RPA3: variants seen among roughly 807,000 people sequenced by gnomAD.
The protein encoded by RPA3 is replication protein A3, also known as replication protein A 14 kDa subunit.
Under a neutral mutation model 13.7 loss-of-function variants are expected in RPA3, and 24 were observed. The observed-to-expected ratio is 1.75, with a 90% confidence interval of 1.27 to 2.46. RPA3 has a LOEUF of 2.46. RPA3 is among the 30% of genes most tolerant of loss of function. The pLI is 0.00. For synonymous variants in RPA3, 59 were observed against 51.2 expected, an observed-to-expected ratio of 1.15 and a Z score of -0.65; for missense variants, 183 against 151.0, an observed-to-expected ratio of 1.21 and a Z score of -1.11.
At chr7:7,680,199 AT>A (rs1454057079) in intron 4 of RPA3, among the ~76,000 whole-genome samples, 1 of 151,980 alleles carries the variant, frequency 6.6e-6, no homozygotes, top group East Asian at 1.9e-4. Context: ...TATTTTATCC[AT>A]TTTGATTTGA....
At position 7,647,853 on chromosome 7, in the gene RPA3, C is replaced by T. The variant is rs74554928; in HGVS notation, c.-757-6678G>A. Among the ~76,000 whole-genome samples the T allele has an allele frequency of 3.9e-5, 6 of 152,320 alleles. No individual in the cohort carries two copies. In the East Asian group the frequency reaches 7.7e-4, roughly 20 times the overall value. On this transcript the variant is annotated intron_variant, in intron 4 of 7. Coordinates refer to ENST00000223129, the MANE Select transcript of RPA3 (RefSeq NM_002947.5). The stretch of plus-strand genomic sequence containing the variant: ...CTGCTAGGCTCAAGCAAGCCTCCCT[C>T]CTTGGCCTCTCAGAGTGCTAGGATT...
chr7:7,702,116 T>C (rs1440138438), intron 2 of RPA3, among the ~76,000 whole-genome samples: 1 of 152,222 alleles, frequency 6.6e-6, no homozygotes, highest in African/African-American at 2.4e-5. Context: ...GATTACTATG[T>C]AGATGTTTTC....
intron 4 of RPA3, among the ~76,000 whole-genome samples, chr7:7,678,549 A>G (rs1198267829): frequency 1.4e-5 from 2 of 138,412 alleles, no homozygotes; most frequent in Non-Finnish European, 3.1e-5. Flanking sequence ...TTATAGATAA[A>G]TATATATTTA....
intron 4 of RPA3, among the ~76,000 whole-genome samples, chr7:7,642,469 ATT>A (rs10595305): frequency 0.51 from 76,206 of 149,968 alleles, 20,396 homozygotes; most frequent in African/African-American, 0.68. Context: ...TGTAATAGTG[ATT>A]TTTTTTTTTT....
intron 2 of RPA3, among the ~76,000 whole-genome samples, chr7:7,704,662 GAAAGC>G (rs1044039839): frequency 4.3e-5 from 6 of 140,066 alleles, no homozygotes; most frequent in Admixed American, 1.5e-4. Flanking sequence ...CAGCCATTCA[GAAAGC>G]TGAGGGTGAG....
rs191706194 is a variant in RPA3, at chr7:7,670,555, A to G, written c.-758+15275T>C. Among the ~76,000 whole-genome samples the G allele has an allele frequency of 6.5e-4, 99 of 152,268 alleles. 2 individuals are homozygous for G. The highest frequency in any genetic ancestry group is 9.8e-4 in the Admixed American group (15 of 15,298). On this transcript the variant is annotated intron_variant, in intron 4 of 7. Coordinates refer to ENST00000223129, the MANE Select transcript of RPA3 (RefSeq NM_002947.5). ...TATTCAGATCTGTCTCTCTACTACT[A>G]TAGGCAAAGTAACTCACCCCTCCCC...
intron 4 of RPA3, among the ~76,000 whole-genome samples, chr7:7,674,571 C>T (rs921293768): frequency 6.6e-6 from 1 of 152,104 alleles, no homozygotes; most frequent in Non-Finnish European, 1.5e-5. Flanking sequence ...TCCCTTATAC[C>T]TGAGGTAAAA....
intron 4 of RPA3, among the ~76,000 whole-genome samples, chr7:7,659,193 C>G (rs971691488): frequency 5.8e-4 from 89 of 152,206 alleles, no homozygotes; most frequent in African/African-American, 2.0e-3. Context: ...ATTCTTCTCT[C>G]TTTTCTTCTT....
intron 4 of RPA3, among the ~76,000 whole-genome samples, chr7:7,654,347 C>T (rs1462332494): frequency 1.3e-5 from 2 of 152,130 alleles, no homozygotes; most frequent in African/African-American, 4.8e-5. Flanking sequence ...AGGTTCTGTT[C>T]TAAAATTTTC....
At chr7:7,646,411 C>A (rs1201912895) in intron 4 of RPA3, among the ~76,000 whole-genome samples, 1 of 150,706 alleles carries the variant, frequency 6.6e-6, no homozygotes, top group Non-Finnish European at 1.5e-5. Context: ...TTCCCCCATA[C>A]TGTTCTCGTG....
chr7:7,649,607 G>T (rs2115548910), intron 4 of RPA3, among the ~76,000 whole-genome samples: 1 of 152,084 alleles, frequency 6.6e-6, no homozygotes, highest in East Asian at 1.9e-4. Flanking sequence ...CTTTTGCATT[G>T]ATTTTTTTGT....
chr7:7,638,224 A>C, intron 6 of RPA3: 2 of 339,040 alleles, frequency 5.9e-6, no homozygotes, highest in East Asian at 1.1e-4. Flanking sequence ...AGACAAAATC[A>C]CTATTGAAAA....
intron 2 of RPA3, among the ~76,000 whole-genome samples, chr7:7,692,125 C>T (rs967592142): frequency 6.6e-6 from 1 of 152,134 alleles, no homozygotes; most frequent in African/African-American, 2.4e-5. Context: ...GAGTACTTCG[C>T]CCCCTTTTTC....
chr7:7,671,042 G>A (rs576834694), intron 4 of RPA3, among the ~76,000 whole-genome samples: 1 of 152,280 alleles, frequency 6.6e-6, no homozygotes, highest in South Asian at 2.1e-4. Flanking sequence ...CTTGGGGGCT[G>A]AACAGTTTTC....
chr7:7,650,956 G>C (rs555528491), intron 4 of RPA3, among the ~76,000 whole-genome samples: 155 of 152,174 alleles, frequency 1.0e-3, no homozygotes, highest in African/African-American at 3.4e-3. Context: ...TTGTACTCAG[G>C]AACCAGCAGA....
intron 4 of RPA3, among the ~76,000 whole-genome samples, chr7:7,644,698 G>A (rs1475923367): frequency 6.6e-6 from 1 of 151,924 alleles, no homozygotes; most frequent in Non-Finnish European, 1.5e-5. Context: ...CTATTCTATG[G>A]ATCTATTTTT....
chr7:7,682,672 TC>T (rs1215079100), intron 4 of RPA3, among the ~76,000 whole-genome samples: 1 of 152,200 alleles, frequency 6.6e-6, no homozygotes. Context: ...GTATACCAGA[TC>T]TTTAAAAAAT....
chr7:7,717,279 A>T, intron 1 of RPA3, among the ~76,000 whole-genome samples: 1 of 151,330 alleles, frequency 6.6e-6, no homozygotes. Flanking sequence ...CTGGTCTCGA[A>T]CTCCTGACCC....
At position 7,687,024 on chromosome 7, in the gene RPA3, G is replaced by T. The variant is rs28912735; in HGVS notation, c.-927+204C>A. Among the ~76,000 whole-genome samples, 1,174 of 152,278 alleles carry T rather than the reference G, an allele frequency of 7.7e-3. 21 individuals carry two copies. Among genetic ancestry groups the T allele is most frequent in the African/African-American group, 0.027 (1,127 of 41,546 alleles). ...AGTGAAGTCAAAGAGTTGTGAAGTT[G>T]CCATACCAGTCCTTTGAACTTTCCT... On this transcript the variant is annotated intron_variant, in intron 3 of 7. Transcript: ENST00000223129.
Sources: allele counts gnomAD v4.1 joint callset (sites outside exome capture counted in the v4.1 genomes callset), GRCh38; gene constraint gnomAD v4.1.1; transcripts MANE v1.5; gene names NCBI Gene and HGNC (gene_info 2026-07-23, HGNC 2026-07-21).